Variants in EEF2 observed in about 807,000 individuals in gnomAD.
EEF2 encodes the protein eukaryotic translation elongation factor 2, also known as elongation factor 2.
EEF2 carries 21 observed loss-of-function variants against 85.3 expected under a neutral mutation model. The observed-to-expected ratio is 0.25, with a 90% CI of 0.17 to 0.35. The LOEUF (loss-of-function observed/expected upper bound fraction) is 0.35. EEF2 is among the 10% of genes least tolerant of loss of function. The probability of loss-of-function intolerance (pLI) is 1.00; values close to 1 mark genes in which losing one functional copy is unlikely to be tolerated. For missense variants in EEF2, 825 were observed against 1,225.3 expected (o/e 0.67, Z 4.88); for synonymous variants, 723 against 508.8 (o/e 1.42, Z -5.67).
chr19:3,977,102 C>G lies in EEF2; in HGVS notation c.2383+113G>C, dbSNP rs1599189954. On this transcript the variant is annotated intron_variant, in intron 14 of 14. Coordinates refer to ENST00000309311, the MANE Select transcript of EEF2 (RefSeq NM_001961.4). The surrounding 1 kb of genome is among the most constrained non-coding windows in gnomAD (Gnocchi z 5.4). ...CAGAAACTGGACCACCTGCTCCATC[C>G]ATCACCTGCTCCCATCAGGACGCCT... The G allele has an allele frequency of 1.4e-6, 2 of 1,449,718 alleles. No homozygotes were observed. Among genetic ancestry groups the G allele is most frequent in the Non-Finnish European group, 1.9e-6 (2 of 1,077,766 alleles). The allele number at this position is 1,449,718 out of a possible 1,614,324, so 89.8% of individuals were successfully genotyped here.
rs752178810 is a variant in EEF2, at chr19:3,977,502, G to A, written c.2176C>T (p.Arg726Trp). 13 of 1,590,868 alleles carry A rather than the reference G, an allele frequency of 8.2e-6. No individual in the cohort carries two copies. Among genetic ancestry groups the A allele is most frequent in the African/African-American group, 1.3e-5 (1 of 74,722 alleles). ...RGGGQIIPTA[R>W]RCLYASVLTA... is the part of the protein sequence containing the mutation. The stretch of plus-strand genomic sequence containing the variant: ...AGCACACTGGCATAGAGGCAGCGCC[G>A]TGCTGTGGGGATGATCTGGCCCCCT... Residue 726 changes from arginine to tryptophan, a missense_variant, in exon 13 of 15, where the codon CGG (arginine) becomes TGG (tryptophan). By Grantham distance (101) the Arg-to-Trp change is moderately radical. Coordinates refer to ENST00000309311, the MANE Select transcript of EEF2 (RefSeq NM_001961.4). The surrounding 1 kb of genome is among the most constrained non-coding windows in gnomAD (Gnocchi z 5.4).
At chr19:3,980,408 C>T (rs2039730832) in intron 9 of EEF2, 106 bp downstream of exon 9, 2 of 1,364,706 alleles carry the variant, frequency 1.5e-6, no homozygotes, top group East Asian at 4.7e-5. Context: ...ACCCTATATT[C>T]CTTCTATGCT....
chr19:3,982,215 G>C lies in EEF2; in HGVS notation c.791+31C>G, dbSNP rs558571220. 3.9e-5 allele frequency: 63 copies of C among 1,611,638 alleles called. 1 individual carries two copies. The South Asian group carries it at 6.9e-4, about 18-fold the overall frequency. Reference sequence around the variant, plus strand: ...TCGCTGCCACTACCCCCAGGTGTCAGGAATCCCCCACCATATCCCGCGGGG... The same window carrying C: ...TCGCTGCCACTACCCCCAGGTGTCACGAATCCCCCACCATATCCCGCGGGG... On this transcript the variant is annotated intron_variant, in intron 5 of 14. Transcript: ENST00000309311.
chr19:3,982,546 G>C, intron 4 of EEF2, 122 bp from the exon 5 acceptor site: 1 of 1,320,654 alleles, frequency 7.6e-7, no homozygotes, highest in Non-Finnish European at 1.1e-6. Context: ...TCTGGTCAAA[G>C]TGAAGAAATG....
At chr19:3,982,104 T>A (rs1568201661) in intron 5 of EEF2, 52 bp from the exon 6 acceptor site, 3 of 1,606,688 alleles carry the variant, frequency 1.9e-6, no homozygotes, top group Admixed American at 3.3e-5. Flanking sequence ...GGGGATGACT[T>A]GGGGAGGGTG....
At position 3,982,061 on chromosome 19, in the gene EEF2, G is replaced by A. The variant is rs763260079; in HGVS notation, c.792-9C>T. The A allele has an allele frequency of 3.5e-5, 56 of 1,613,824 alleles. No homozygotes were observed. Among genetic ancestry groups the A allele is most frequent in the Middle Eastern group, 1.6e-4 (1 of 6,082 alleles). ...TGGCTGGGTCAAAGTACCTGGCAAGGAGAGGCCAAGCCAAATCAAGTTAGG... is the reference window on the plus strand; with the variant it reads ...TGGCTGGGTCAAAGTACCTGGCAAGAAGAGGCCAAGCCAAATCAAGTTAGG... On this transcript the variant is annotated splice_polypyrimidine_tract_variant and intron_variant, in intron 5 of 14. Transcript: ENST00000309311.
chr19:3,985,078 G>A, intron 1 of EEF2: 1 of 374,620 alleles, frequency 2.7e-6, no homozygotes, highest in Admixed American at 4.6e-5. Context: ...CGCTTCCACC[G>A]CGGTGCCCGC....
Position 3,979,937 on chromosome 19 carries a change from G to T in EEF2, c.1476C>A (p.His492Gln). 1 of 1,613,938 alleles carries T rather than the reference G, an allele frequency of 6.2e-7. No individual in the cohort carries two copies. The highest frequency in any genetic ancestry group is 8.5e-7 in the Non-Finnish European group (1 of 1,180,048). Residue 492 changes from histidine to glutamine, a missense_variant, in exon 10 of 15, where the codon CAC becomes CAA. Coordinates refer to ENST00000309311, the MANE Select transcript of EEF2 (RefSeq NM_001961.4). ...CGCTGAACTTCATCACCCGCATGTT[G>T]TGCGCGTGCTCGAAGGTGGTGATGG... ...TGTITTFEHAHNMRVMKFSVS... is the reference protein window; with the variant it reads ...TGTITTFEHAQNMRVMKFSVS...
At chr19:3,984,467 G>T in intron 1 of EEF2, 117 bp from the exon 2 acceptor site, 1 of 1,142,770 alleles carries the variant, frequency 8.8e-7, no homozygotes, top group Non-Finnish European at 1.3e-6. Flanking sequence ...TGGTGCTGGG[G>T]TGCCCCAAGC....
chr19:3,982,560 A>T lies in EEF2; in HGVS notation c.613-136T>A, dbSNP rs546298312. 1.1e-5 allele frequency: 14 copies of T among 1,250,576 alleles called. No individual in the cohort carries two copies. In the South Asian group the frequency reaches 1.7e-4, roughly 15 times the overall value. The allele number at this position is 1,250,576 out of a possible 1,614,324, so 77.5% of individuals were successfully genotyped here. On this transcript the variant is annotated intron_variant, in intron 4 of 14. Transcript: ENST00000309311. ...ATCTGGTCAAAGTGAAGAAATGATC[A>T]GTCATCACGAATAGGGGGGCCAGCC...
At position 3,977,261 on chromosome 19, in the gene EEF2, G is replaced by A; in HGVS notation, c.2337C>T (p.Thr779=). The change falls in exon 14 of 15, where the codon ACC becomes ACT. Residue 779 remains threonine (T), a synonymous_variant. Transcript: ENST00000309311. This position sits in a 1 kb window ranked among gnomAD's most constrained non-coding sequence, Gnocchi z 5.4. ...HVFEESQVAG[T]PMFVVKAYLP... ...GATAGGCCTTGACCACAAACATGGG[G>A]GTGCCGGCCACCTGGGACTCCTCGA... 2.5e-6 allele frequency: 4 copies of A among 1,613,366 alleles called. No homozygotes were observed. The highest frequency in any genetic ancestry group is 1.6e-4 in the Middle Eastern group (1 of 6,062).
chr19:3,982,535 A>T, intron 4 of EEF2, 111 bp from the exon 5 acceptor site: 1 of 1,375,974 alleles, frequency 7.3e-7, no homozygotes, highest in Non-Finnish European at 1.0e-6. Flanking sequence ...TTCAGTAGAC[A>T]TCTGGTCAAA....
At chr19:3,980,813 T>C (rs1334566372) in intron 8 of EEF2, 28 bp downstream of exon 8, 17 of 1,581,772 alleles carry the variant, frequency 1.1e-5, no homozygotes, top group Middle Eastern at 3.3e-4. Flanking sequence ...CGGCTGCATC[T>C]CAGGGCCCGG....
At chr19:3,976,978 C>T (rs976988727) in intron 14 of EEF2, among the ~76,000 whole-genome samples, 1 of 152,202 alleles carries the variant, frequency 6.6e-6, no homozygotes, top group Admixed American at 6.5e-5. Flanking sequence ...CGGCCCAGGG[C>T]GTAGGCCTTC....
At chr19:3,979,016 TACTC>T (rs959766660) in intron 11 of EEF2, among the ~76,000 whole-genome samples, 2 of 151,296 alleles carry the variant, frequency 1.3e-5, no homozygotes, top group African/African-American at 4.9e-5. Flanking sequence ...TAGTCCCAGT[TACTC>T]AGGAAGCTGA....
chr19:3,979,482 C>A, intron 10 of EEF2, 46 bp from the exon 11 acceptor site: 4 of 1,487,742 alleles, frequency 2.7e-6, no homozygotes, highest in Admixed American at 1.8e-5. Flanking sequence ...CGGCTCGGAA[C>A]AGGCGGGACC....
intron 11 of EEF2, 43 bp downstream of exon 11, chr19:3,979,286 G>T: frequency 1.3e-6 from 2 of 1,520,612 alleles, no homozygotes; most frequent in Non-Finnish European, 9.1e-7. Flanking sequence ...GAGGGCAGGT[G>T]TCCGGGGTGG....
chr19:3,977,463 G>A lies in EEF2; in HGVS notation c.2215C>T (p.Arg739Cys), dbSNP rs1293501345. Residue 739 changes from arginine to cysteine, a missense_variant, in exon 13 of 15, where the codon CGC becomes TGC. Physicochemically the swap from Arg to Cys is radical, Grantham distance 180. Transcript: ENST00000309311. The surrounding 1 kb of genome is among the most constrained non-coding windows in gnomAD (Gnocchi z 5.4). ...ACAAGGTAGATGGGCTCCATGAGGC[G>A]TGGCTGGGCGGTCAGCACACTGGCA... ...LYASVLTAQP[R>C]LMEPIYLVEI... 10 of 1,581,874 alleles carry A rather than the reference G, an allele frequency of 6.3e-6. No homozygotes were observed. The highest frequency in any genetic ancestry group is 2.3e-5 in the East Asian group (1 of 44,346).
chr19:3,977,762 A>C lies in EEF2; in HGVS notation c.2067+57T>G. 6.7e-7 allele frequency: 1 copy of C among 1,503,746 alleles called. No homozygotes were observed. The highest frequency in any genetic ancestry group is 8.9e-7 in the Non-Finnish European group (1 of 1,126,142). 93.2% of individuals were successfully genotyped at this position (1,503,746 alleles called of 1,614,324 possible). ...CTCTGTCTCGGGAGGCAGGACCATGAGGTCCCTCTAGAGCCTGGAAACGGG... is the reference window on the plus strand; with the variant it reads ...CTCTGTCTCGGGAGGCAGGACCATGCGGTCCCTCTAGAGCCTGGAAACGGG... On this transcript the variant is annotated intron_variant, in intron 12 of 14. Transcript: ENST00000309311. This position sits in a 1 kb window ranked among gnomAD's most constrained non-coding sequence, Gnocchi z 5.4.
Sources: gnomAD v4.1 joint callset for allele counts (sites outside exome capture counted in the v4.1 genomes callset) on GRCh38, gnomAD v4.1.1 for gene constraint, Gnocchi (gnomAD v3.1) non-coding constraint, MANE v1.5 for transcripts, NCBI Gene and HGNC (gene_info 2026-07-23, HGNC 2026-07-21) for gene names.